Variants in IQGAP2 observed in about 807,000 individuals in gnomAD.
IQGAP2 encodes ras GTPase-activating-like protein IQGAP2.
In IQGAP2, 173 loss-of-function variants were observed where a neutral mutation model predicts 201.3. The observed-to-expected ratio is 0.86, with a 90% CI of 0.76 to 0.98. IQGAP2 has a LOEUF of 0.98. IQGAP2 is among the 50% of genes least tolerant of loss of function. The pLI, the probability that IQGAP2 is intolerant of heterozygous loss-of-function variation, is 0.00. For missense variants in IQGAP2, 1,687 were observed against 1,864.8 expected (o/e 0.90, Z 1.76); for synonymous variants, 675 against 673.9 (o/e 1.00, Z -0.03).
intron 11 of IQGAP2, 93 bp downstream of exon 11, chr5:76,601,065 A>G (rs1367201967): frequency 2.5e-6 from 3 of 1,210,386 alleles, no homozygotes; most frequent in Non-Finnish European, 3.5e-6. Context: ...GGAGAAATCC[A>G]TATACCATGC....
At chr5:76,474,229 C>A (rs1755280274) in intron 2 of IQGAP2, among the ~76,000 whole-genome samples, 1 of 152,096 alleles carries the variant, frequency 6.6e-6, no homozygotes, top group Non-Finnish European at 1.5e-5. Context: ...CTCTTTAGTT[C>A]CATGAGTCTC....
In IQGAP2 at chr5:76,660,966, C is replaced by T. The variant is rs1276530587; in HGVS notation, c.2529+2299C>T. Among the ~76,000 whole-genome samples, 5 of 151,880 alleles carry T rather than the reference C, an allele frequency of 3.3e-5. No homozygotes were observed. The East Asian group carries it at 5.8e-4, about 18-fold the overall frequency. The stretch of plus-strand genomic sequence containing the variant: ...ATTTTAAAGCAGGAGGAAAGGTTTG[C>T]GATATAGTAGAGGAGAAAATAGTGC... On this transcript the variant is annotated intron_variant, in intron 21 of 35. Coordinates refer to ENST00000274364, the MANE Select transcript of IQGAP2 (RefSeq NM_006633.5).
rs1258530925 is a variant in IQGAP2, at chr5:76,562,438, T to A, written c.189T>A (p.Thr63=). 1 of 1,613,776 alleles carries A rather than the reference T, an allele frequency of 6.2e-7. No individual in the cohort carries two copies. The highest frequency in any genetic ancestry group is 2.2e-5 in the East Asian group (1 of 44,884). ...VCLVEELPPT[T]ELEEGLRNGV... is the part of the protein sequence containing the mutation. ...TAGTTGAAGAATTGCCACCAACCACTGAATTGGAAGAAGGGCTCCGGAATG... is the reference window on the plus strand; with the variant it reads ...TAGTTGAAGAATTGCCACCAACCACAGAATTGGAAGAAGGGCTCCGGAATG... Residue 63 remains threonine (T), a synonymous_variant, in exon 3 of 36, where the codon ACT becomes ACA. Coordinates refer to ENST00000274364, the MANE Select transcript of IQGAP2 (RefSeq NM_006633.5).
chr5:76,422,967 C>T (rs969486191), intron 1 of IQGAP2, among the ~76,000 whole-genome samples: 1 of 152,138 alleles, frequency 6.6e-6, no homozygotes, highest in Admixed American at 6.5e-5. Context: ...AGTAACTTGC[C>T]CAAGGTACAG....
chr5:76,482,669 AG>A (rs1420226320), intron 2 of IQGAP2, among the ~76,000 whole-genome samples: 1 of 152,258 alleles, frequency 6.6e-6, no homozygotes, highest in African/African-American at 2.4e-5. Flanking sequence ...AGGAAAATCA[AG>A]GCTCAGTTAT....
At chr5:76,504,113 GC>G (rs1757455492) in intron 2 of IQGAP2, among the ~76,000 whole-genome samples, 1 of 152,184 alleles carries the variant, frequency 6.6e-6, no homozygotes, top group African/African-American at 2.4e-5. Flanking sequence ...TTAGAGCATA[GC>G]GTGCTAACAA....
At chr5:76,414,154 T>C (rs1372136930) in intron 1 of IQGAP2, among the ~76,000 whole-genome samples, 1 of 152,364 alleles carries the variant, frequency 6.6e-6, no homozygotes, top group Admixed American at 6.5e-5. Context: ...GTAACCCCTC[T>C]ATTATTCCTC....
intron 1 of IQGAP2, among the ~76,000 whole-genome samples, chr5:76,442,733 T>C (rs1031875428): frequency 3.3e-5 from 5 of 152,216 alleles, no homozygotes; most frequent in Non-Finnish European, 7.3e-5. Flanking sequence ...ACACCTGTAA[T>C]CCCAGCACTT....
In IQGAP2 at chr5:76,513,340, G is replaced by A. The variant is rs773628803; in HGVS notation, c.147-49056G>A. 2.8e-4 allele frequency among the ~76,000 whole-genome samples: 42 copies of A among 152,160 alleles called. 1 individual carries two copies. Among genetic ancestry groups the A allele is most frequent in the Non-Finnish European group, 5.1e-4 (35 of 68,028 alleles). ...CAAAGATCAAGACCAGAGCAGGAAG[G>A]GAAAGCTCTGGGTCTGAACCAGGTC... On this transcript the variant is annotated intron_variant, in intron 2 of 35. Transcript: ENST00000274364.
At chr5:76,521,944 GA>G (rs1758704512) in intron 2 of IQGAP2, among the ~76,000 whole-genome samples, 1 of 139,512 alleles carries the variant, frequency 7.2e-6, no homozygotes, top group Non-Finnish European at 1.6e-5. Flanking sequence ...CAAAAGAATT[GA>G]TAATTAAAAA....
At chr5:76,623,512 A>C in intron 13 of IQGAP2, 1 of 401,322 alleles carries the variant, frequency 2.5e-6, no homozygotes. Context: ...CCAACAATCT[A>C]TTCTGAATAG....
At chr5:76,483,117 CTTAA>C (rs1413999389) in intron 2 of IQGAP2, among the ~76,000 whole-genome samples, 1 of 152,198 alleles carries the variant, frequency 6.6e-6, no homozygotes, top group African/African-American at 2.4e-5. Flanking sequence ...GGCAGCCCAA[CTTAA>C]TTAGAGTCAA....
At chr5:76,654,341 G>A (rs1580732505) in intron 19 of IQGAP2, 70 bp downstream of exon 19, 3 of 993,948 alleles carry the variant, frequency 3.0e-6, no homozygotes, top group East Asian at 2.5e-5. Flanking sequence ...TTGAAAGTTA[G>A]CATTGAATGA....
intron 27 of IQGAP2, 52 bp from the exon 28 acceptor site, chr5:76,677,166 T>A: frequency 1.3e-6 from 2 of 1,537,510 alleles, no homozygotes; most frequent in South Asian, 1.2e-5. Context: ...TTGATGAAAC[T>A]GTTTAATGCA....
chr5:76,443,484 T>A (rs1393714096), intron 1 of IQGAP2, among the ~76,000 whole-genome samples: 3 of 151,234 alleles, frequency 2.0e-5, no homozygotes, highest in Non-Finnish European at 2.9e-5. Flanking sequence ...TTTTTTTTTT[T>A]AATTAAAAAA....
intron 4 of IQGAP2, among the ~76,000 whole-genome samples, chr5:76,571,911 G>C (rs1319769438): frequency 6.6e-6 from 1 of 152,112 alleles, no homozygotes; most frequent in Non-Finnish European, 1.5e-5. Context: ...GGGCATGTGT[G>C]TGCATGTATG....
chr5:76,557,402 A>T (rs1270069580), intron 2 of IQGAP2, among the ~76,000 whole-genome samples: 1 of 152,214 alleles, frequency 6.6e-6, no homozygotes. Flanking sequence ...ATAAAGTATC[A>T]AGTCCAGATT....
chr5:76,610,076 C>CTCTCTCTATCTCTATA (rs1326468006), intron 12 of IQGAP2, among the ~76,000 whole-genome samples: 2 of 18,708 alleles, frequency 1.1e-4, no homozygotes, highest in Non-Finnish European at 9.6e-5. Flanking sequence ...CTCTCTCTCT[C>CTCTCTCTATCTCTATA]TATATATATA....
intron 5 of IQGAP2, among the ~76,000 whole-genome samples, chr5:76,584,167 C>A (rs1746082363): frequency 1.3e-5 from 2 of 151,982 alleles, no homozygotes; most frequent in African/African-American, 4.8e-5. Context: ...CCACTGTGCC[C>A]AGCCGAGAAA....
Sources: allele counts gnomAD v4.1 joint callset (sites outside exome capture counted in the v4.1 genomes callset), GRCh38; gene constraint gnomAD v4.1.1; transcripts MANE v1.5; gene names NCBI Gene and HGNC (gene_info 2026-07-23, HGNC 2026-07-21).